The following UBE2D3 variants were observed in gnomAD, a reference collection of about 807,000 sequenced individuals.
The protein encoded by UBE2D3 is ubiquitin conjugating enzyme E2 D3.
In UBE2D3, 2 loss-of-function variants were observed where a neutral mutation model predicts 22.8. The ratio of observed to expected loss-of-function variants is 0.09; its 90% CI spans 0.04 to 0.28. UBE2D3 has a LOEUF of 0.28. UBE2D3 is among the 10% of genes least tolerant of loss of function. The pLI, the probability that UBE2D3 is intolerant of heterozygous loss-of-function variation, is 1.00. For missense variants in UBE2D3, 27 were observed against 182.5 expected (o/e 0.15, Z 4.91); for synonymous variants, 56 against 60.4 (o/e 0.93, Z 0.34).
intron 2 of UBE2D3, among the ~76,000 whole-genome samples, chr4:102,816,594 GA>G (rs1204347781): frequency 6.6e-6 from 1 of 152,186 alleles, no homozygotes; most frequent in Non-Finnish European, 1.5e-5. Context: ...GCAGTAGTGA[GA>G]GACCAAATCT....
At chr4:102,801,697 T>C (rs1726175514) in intron 5 of UBE2D3, 138 bp from the exon 6 acceptor site, 2 of 703,322 alleles carry the variant, frequency 2.8e-6, no homozygotes, top group East Asian at 3.0e-5. Context: ...AACTGATTTT[T>C]ACAATCTGAC....
intron 1 of UBE2D3, among the ~76,000 whole-genome samples, chr4:102,836,141 ATTTTTTTTTT>A (rs907557988): frequency 2.9e-5 from 3 of 102,670 alleles, no homozygotes; most frequent in South Asian, 3.1e-4. Flanking sequence ...GTTTGTTTCC[ATTTTTTTTTT>A]TTTTTTTTTT....
At chr4:102,842,075 T>TAAG (rs1470757842) in intron 1 of UBE2D3, among the ~76,000 whole-genome samples, 2 of 152,194 alleles carry the variant, frequency 1.3e-5, no homozygotes, top group African/African-American at 4.8e-5. Context: ...TTTACTTTTC[T>TAAG]AAGAGTATGC....
intron 6 of UBE2D3, among the ~76,000 whole-genome samples, chr4:102,800,095 A>G (rs1337904295): frequency 6.6e-6 from 1 of 152,060 alleles, no homozygotes; most frequent in African/African-American, 2.4e-5. Context: ...CAACATACTG[A>G]TGTATAAGAT....
rs1253194144 is a variant in UBE2D3 at position 102,794,701 on chromosome 4, CCT to C, written c.*2712_*2713del. On this transcript the variant is annotated 3_prime_UTR_variant, in exon 8 of 8. Coordinates refer to ENST00000453744, the MANE Select transcript of UBE2D3 (RefSeq NM_181891.3). ...AAAAAAAAGTGAGTGTTTCACTACC[CCT>C]GAGACCACTAGTTAACTGTGGTTCA... is the stretch of plus-strand genomic sequence containing the variant. 3 of 151,842 alleles carry C rather than the reference CCT, an allele frequency of 2.0e-5. No homozygotes were observed. Among genetic ancestry groups the C allele is most frequent in the Non-Finnish European group, 4.4e-5 (3 of 67,920 alleles). 9.4% of individuals were successfully genotyped at this position (151,842 alleles called of 1,614,324 possible).
At chr4:102,825,962 C>G (rs1253998265) in intron 2 of UBE2D3, 3 of 320,670 alleles carry the variant, frequency 9.4e-6, no homozygotes, top group Middle Eastern at 6.0e-4. Flanking sequence ...CTACTAGACT[C>G]ACTGACTGAC....
At chr4:102,838,332 C>A (rs1174232520) in intron 1 of UBE2D3, among the ~76,000 whole-genome samples, 2 of 152,112 alleles carry the variant, frequency 1.3e-5, no homozygotes, top group East Asian at 3.9e-4. Context: ...ATAGTGTGCA[C>A]CTCTTCCCAG....
At chr4:102,853,423 A>G (rs1223757308) in intron 1 of UBE2D3, among the ~76,000 whole-genome samples, 1 of 152,134 alleles carries the variant, frequency 6.6e-6, no homozygotes, top group Non-Finnish European at 1.5e-5. Context: ...GAAGACTGAA[A>G]ACAATGTCCA....
intron 2 of UBE2D3, chr4:102,810,722 T>A (rs1727831438): frequency 6.6e-6 from 1 of 152,176 alleles, no homozygotes. Flanking sequence ...CCAACAAGTA[T>A]GTAGTTCACT....
At chr4:102,811,903 A>G (rs971121690) in intron 2 of UBE2D3, 8 of 330,860 alleles carry the variant, frequency 2.4e-5, no homozygotes, top group South Asian at 6.9e-5. Flanking sequence ...GTCTACCACA[A>G]TATCAATGCA....
At chr4:102,825,272 T>A in intron 2 of UBE2D3, 1 of 986,492 alleles carries the variant, frequency 1.0e-6, no homozygotes, top group Non-Finnish European at 1.2e-6. Flanking sequence ...AAGGCTGAAT[T>A]TATTCCATGA....
chr4:102,846,540 C>G (rs1159989956), intron 1 of UBE2D3, among the ~76,000 whole-genome samples: 1 of 152,178 alleles, frequency 6.6e-6, no homozygotes, highest in African/African-American at 2.4e-5. Flanking sequence ...GCCTTTAGTT[C>G]TCCTACATAG....
At chr4:102,828,379 C>G (rs921313237), upstream of UBE2D3, among the ~76,000 whole-genome samples, 1 of 152,090 alleles carries the variant, frequency 6.6e-6, no homozygotes, top group African/African-American at 2.4e-5. Flanking sequence ...AGGCGCCCCT[C>G]GAGATGGGAA....
chr4:102,817,826 C>G (rs1728995455), intron 2 of UBE2D3, among the ~76,000 whole-genome samples: 1 of 152,206 alleles, frequency 6.6e-6, no homozygotes, highest in Non-Finnish European at 1.5e-5. Context: ...ATTTACTGGA[C>G]TGGAAATCAA....
At position 102,797,335 on chromosome 4, in the gene UBE2D3, G is replaced by T; in HGVS notation, c.*80C>A. The T allele has an allele frequency of 7.9e-7, 1 of 1,262,084 alleles. No homozygotes were observed. Among genetic ancestry groups the T allele is most frequent in the South Asian group, 1.4e-5 (1 of 73,250 alleles). 78.2% of individuals were successfully genotyped at this position (1,262,084 alleles called of 1,614,324 possible). ...GATGAGGTCTGATAGGGGAGCAGCC[G>T]GATAAGAAAATCAAAAAAGGAACAG... On this transcript the variant is annotated 3_prime_UTR_variant, in exon 8 of 8. Coordinates refer to ENST00000453744, the MANE Select transcript of UBE2D3 (RefSeq NM_181891.3).
At chr4:102,851,885 T>A (rs539796479) in intron 1 of UBE2D3, among the ~76,000 whole-genome samples, 1 of 152,084 alleles carries the variant, frequency 6.6e-6, no homozygotes. Flanking sequence ...GTCAGGCTGG[T>A]CTCGAACTCC....
At chr4:102,820,380 C>A (rs1434744676) in intron 2 of UBE2D3, among the ~76,000 whole-genome samples, 1 of 152,142 alleles carries the variant, frequency 6.6e-6, no homozygotes, top group Non-Finnish European at 1.5e-5. Context: ...TCCAAATAGT[C>A]CCTTTAAAAC....
At chr4:102,805,491 T>C (rs1726881168) in intron 4 of UBE2D3, among the ~76,000 whole-genome samples, 1 of 148,528 alleles carries the variant, frequency 6.7e-6, no homozygotes, top group Non-Finnish European at 1.5e-5. Flanking sequence ...AAAACGTTGG[T>C]ATTCTTTTTT....
chr4:102,828,586 G>A (rs1457644928), upstream of UBE2D3, among the ~76,000 whole-genome samples: 1 of 152,180 alleles, frequency 6.6e-6, no homozygotes, highest in Non-Finnish European at 1.5e-5. Flanking sequence ...AGTCGCTGCC[G>A]TCCGCCAAGG....
Sources: gnomAD v4.1 joint callset for allele counts (sites outside exome capture counted in the v4.1 genomes callset) on GRCh38, gnomAD v4.1.1 for gene constraint, MANE v1.5 for transcripts, NCBI Gene and HGNC (gene_info 2026-07-23, HGNC 2026-07-21) for gene names.